Variants in MYLIP observed in about 807,000 individuals in gnomAD.
MYLIP encodes E3 ubiquitin-protein ligase MYLIP.
In MYLIP, 26 loss-of-function variants were observed where a neutral mutation model predicts 45.8. The observed-to-expected ratio is 0.57, with a 90% CI of 0.42 to 0.79. The LOEUF (loss-of-function observed/expected upper bound fraction) is 0.79. MYLIP is among the 30% of genes least tolerant of loss of function. The pLI is 0.00. For missense variants in MYLIP, 494 were observed against 555.6 expected (o/e 0.89, Z 1.11); for synonymous variants, 213 against 218.1 (o/e 0.98, Z 0.21).
intron 4 of MYLIP, 149 bp from the exon 5 acceptor site, chr6:16,143,550 T>A (rs1759721951): frequency 3.7e-6 from 3 of 820,174 alleles, no homozygotes; most frequent in Non-Finnish European, 5.6e-6. Context: ...ATCTTTACAA[T>A]AAGGCAGCAT....
chr6:16,159,437 A>C, the MYLIP span, among the ~76,000 whole-genome samples: 1 of 152,182 alleles, frequency 6.6e-6, no homozygotes, highest in Non-Finnish European at 1.5e-5. Context: ...ATTGTGGAAC[A>C]GGGCTCAAAA....
intron 4 of MYLIP, among the ~76,000 whole-genome samples, 168 bp downstream of exon 4, chr6:16,143,385 G>A (rs1454679838): frequency 1.3e-5 from 2 of 152,142 alleles, no homozygotes; most frequent in Non-Finnish European, 2.9e-5. Context: ...CATTTTAAAT[G>A]TTATTCAAGG....
chr6:16,150,399 G>C (rs1759861967), downstream of MYLIP, among the ~76,000 whole-genome samples: 2 of 152,132 alleles, frequency 1.3e-5, no homozygotes, highest in Non-Finnish European at 2.9e-5. Flanking sequence ...AGATTGTAGT[G>C]AGCTGAGTAC....
At chr6:16,151,233 T>C (rs1220034093), downstream of MYLIP, among the ~76,000 whole-genome samples, 2 of 150,678 alleles carry the variant, frequency 1.3e-5, no homozygotes, top group African/African-American at 4.9e-5. Flanking sequence ...AGCGGGTGCC[T>C]GCAGTCCCAG....
At chr6:16,148,307 G>A (rs1468029969), downstream of MYLIP, 1 of 152,130 alleles carries the variant, frequency 6.6e-6, no homozygotes, top group Admixed American at 6.5e-5. Flanking sequence ...AAATAAGCAA[G>A]GGGTAACATC....
downstream of MYLIP, among the ~76,000 whole-genome samples, chr6:16,151,124 T>G (rs1408001825): frequency 2.0e-5 from 3 of 150,184 alleles, no homozygotes; most frequent in Non-Finnish European, 4.4e-5. Flanking sequence ...CCGAGGCGGG[T>G]GGATCACGAG....
intron 2 of MYLIP, among the ~76,000 whole-genome samples, chr6:16,136,561 C>T (rs956099111): frequency 6.6e-6 from 1 of 152,044 alleles, no homozygotes; most frequent in African/African-American, 2.4e-5. Flanking sequence ...TTTGTAGACA[C>T]ATATTTTCAT....
the MYLIP span, among the ~76,000 whole-genome samples, chr6:16,155,633 C>T: frequency 6.6e-6 from 1 of 152,234 alleles, no homozygotes; most frequent in Non-Finnish European, 1.5e-5. Flanking sequence ...TGCTTCGGCA[C>T]TGGCAGGGGC....
At chr6:16,137,293 A>T (rs947444626) in intron 2 of MYLIP, among the ~76,000 whole-genome samples, 3 of 152,202 alleles carry the variant, frequency 2.0e-5, no homozygotes, top group Admixed American at 2.0e-4. Flanking sequence ...TTTTAAAATA[A>T]ACTGTGGTTA....
chr6:16,160,858 C>T, the MYLIP span: 1 of 152,322 alleles, frequency 6.6e-6, no homozygotes, highest in African/African-American at 2.4e-5. Context: ...AGCTTCTGCT[C>T]AGGTTCTCTT....
intron 2 of MYLIP, among the ~76,000 whole-genome samples, chr6:16,134,099 A>C (rs964467543): frequency 6.6e-6 from 1 of 152,162 alleles, no homozygotes; most frequent in Non-Finnish European, 1.5e-5. Flanking sequence ...TTTCCTTTAT[A>C]GCATTTAATG....
chr6:16,139,387 CAAA>C (rs111591442), intron 2 of MYLIP, among the ~76,000 whole-genome samples: 2 of 72,886 alleles, frequency 2.7e-5, no homozygotes, highest in Non-Finnish European at 2.9e-5. Flanking sequence ...GACTCCATCT[CAAA>C]AAAAAAAAAA....
chr6:16,130,864 T>A, intron 2 of MYLIP, 117 bp downstream of exon 2: 2 of 1,031,858 alleles, frequency 1.9e-6, no homozygotes, highest in Non-Finnish European at 2.7e-6. Flanking sequence ...AGTTCCATCT[T>A]AACTTAGGTT....
At position 16,141,745 on chromosome 6, in the gene MYLIP, G is replaced by A. The variant is rs774963461; in HGVS notation, c.399G>A (p.Gln133=). 1.2e-6 allele frequency: 2 copies of A among 1,614,138 alleles called. No individual in the cohort carries two copies. The highest frequency in any genetic ancestry group is 1.1e-5 in the South Asian group (1 of 91,082). ...LAQTKFGDYN[Q]NTAKYNYEEL... ...AGACCAAGTTTGGAGACTACAACCA[G>A]AACACTGCCAAGTATAACTATGAGG... Residue 133 remains glutamine (Q), a synonymous_variant, in exon 3 of 7, where the codon CAG becomes CAA. Coordinates refer to ENST00000356840, the MANE Select transcript of MYLIP (RefSeq NM_013262.4).
chr6:16,145,061 A>G lies in MYLIP; in HGVS notation c.992A>G (p.Tyr331Cys). 4 of 1,614,230 alleles carry G rather than the reference A, an allele frequency of 2.5e-6. No homozygotes were observed. The highest frequency in any genetic ancestry group is 3.4e-6 in the Non-Finnish European group (4 of 1,180,028). ...EVYDHARRAL[Y>C]NAGVVDLVSR... ...TATGACCATGCCAGGAGGGCTCTGT[A>G]CAATGCTGGCGTTGTGGACCTCGTT... is the stretch of plus-strand genomic sequence containing the variant. Residue 331 changes from tyrosine to cysteine, a missense_variant, in exon 6 of 7, where the codon TAC (tyrosine) becomes TGC (cysteine). By Grantham distance (194) the Tyr-to-Cys change is radical (BLOSUM62 -2). Coordinates refer to ENST00000356840, the MANE Select transcript of MYLIP (RefSeq NM_013262.4).
chr6:16,162,813 A>T, the MYLIP span, among the ~76,000 whole-genome samples: 1 of 150,348 alleles, frequency 6.7e-6, no homozygotes, highest in Non-Finnish European at 1.5e-5. Context: ...AAAGAAATTC[A>T]TTTTATATAT....
the MYLIP span, among the ~76,000 whole-genome samples, chr6:16,160,750 C>T: frequency 1.2e-4 from 17 of 144,886 alleles, no homozygotes; most frequent in Admixed American, 2.0e-4. Flanking sequence ...TGCCTTGAAC[C>T]GAGATCATGC....
downstream of MYLIP, among the ~76,000 whole-genome samples, chr6:16,150,729 G>A (rs950071083): frequency 3.3e-5 from 5 of 152,106 alleles, no homozygotes; most frequent in Non-Finnish European, 7.4e-5. Flanking sequence ...CTCAACAGGC[G>A]GATCTGCCAA....
At chr6:16,157,918 G>A in the MYLIP span, among the ~76,000 whole-genome samples, 1 of 152,148 alleles carries the variant, frequency 6.6e-6, no homozygotes, top group East Asian at 1.9e-4. Context: ...TTCTTCATTC[G>A]CTTTAATCAG....
Sources: allele counts gnomAD v4.1 joint callset (sites outside exome capture counted in the v4.1 genomes callset), GRCh38; gene constraint gnomAD v4.1.1; transcripts MANE v1.5; gene names NCBI Gene and HGNC (gene_info 2026-07-23, HGNC 2026-07-21).